KHK: variants seen among roughly 807,000 people sequenced by gnomAD.
KHK encodes the protein fructokinase.
Under a neutral mutation model 36.0 loss-of-function variants are expected in KHK, and 37 were observed. The ratio of observed to expected loss-of-function variants is 1.03; its 90% CI spans 0.79 to 1.35. The LOEUF (loss-of-function observed/expected upper bound fraction) is 1.35. Among genes scored for constraint, KHK ranks in the 40% most tolerant of loss-of-function variants. The probability of loss-of-function intolerance (pLI) is 0.00; values close to 1 mark genes in which losing one functional copy is unlikely to be tolerated. For missense variants in KHK, 395 were observed against 391.9 expected, an observed-to-expected ratio of 1.01 and a Z score of -0.07; for synonymous variants, 161 against 162.8, an observed-to-expected ratio of 0.99 and a Z score of 0.08.
At chr2:27,090,221 T>C (rs1055254877) in intron 1 of KHK, among the ~76,000 whole-genome samples, 10 of 152,238 alleles carry the variant, frequency 6.6e-5, no homozygotes, top group African/African-American at 1.9e-4. Context: ...TAAAATTCTA[T>C]ATCCTTTCTT....
At chr2:27,091,784 A>C (rs1424215564) in intron 1 of KHK, among the ~76,000 whole-genome samples, 1 of 152,208 alleles carries the variant, frequency 6.6e-6, no homozygotes, top group Non-Finnish European at 1.5e-5. Context: ...CCCTGCTGCC[A>C]CTTCTTAAAC....
intron 3 of KHK, among the ~76,000 whole-genome samples, chr2:27,095,628 C>T (rs1442174423): frequency 2.0e-5 from 3 of 152,236 alleles, no homozygotes; most frequent in Admixed American, 2.0e-4. Flanking sequence ...TGCAGACTCC[C>T]TCCTGCAGGA....
At chr2:27,094,778 C>T (rs1033424024) in intron 2 of KHK, 22 bp from the exon 3 acceptor site, 2 of 1,614,022 alleles carry the variant, frequency 1.2e-6, no homozygotes, top group Non-Finnish European at 1.7e-6. Flanking sequence ...TGCCCTTTTC[C>T]TGGCCCGGCC....
intron 4 of KHK, among the ~76,000 whole-genome samples, chr2:27,097,174 A>C (rs1181465273): frequency 6.6e-6 from 1 of 152,206 alleles, no homozygotes; most frequent in African/African-American, 2.4e-5. Context: ...AAATAAAGGG[A>C]ACTAGAGCCT....
At chr2:27,098,350 T>C (rs943316413) in intron 5 of KHK, among the ~76,000 whole-genome samples, 1 of 151,886 alleles carries the variant, frequency 6.6e-6, no homozygotes, top group Non-Finnish European at 1.5e-5. Flanking sequence ...GCAAGACCCC[T>C]GTCTCTATGA....
intron 3 of KHK, among the ~76,000 whole-genome samples, chr2:27,095,754 C>T (rs894582140): frequency 7.9e-5 from 12 of 152,222 alleles, no homozygotes; most frequent in African/African-American, 2.2e-4. Context: ...GCCTGACTGC[C>T]GGACCTGGAG....
In KHK at chr2:27,099,409, C is replaced by A. The variant is rs377473990; in HGVS notation, c.654-11C>A. ...TGGGCTAACACCCAGCTGAGTGGAG[C>A]CGTCTTGCAGGGCTGTGCTTGTCTG... is the stretch of plus-strand genomic sequence containing the variant. On this transcript the variant is annotated splice_polypyrimidine_tract_variant and intron_variant, in intron 6 of 7. Transcript: ENST00000260598. The A allele has an allele frequency of 1.6e-5, 25 of 1,612,744 alleles. No individual in the cohort carries two copies. In the African/African-American group the frequency reaches 2.5e-4, roughly 16 times the overall value.
chr2:27,095,024 C>A, intron 3 of KHK, 90 bp downstream of exon 3: 4 of 1,461,796 alleles, frequency 2.7e-6, no homozygotes, highest in Non-Finnish European at 3.8e-6. Context: ...TCCCAACTGC[C>A]CCCCTCTGTG....
At position 27,099,424 on chromosome 2, in the gene KHK, G is replaced by A; in HGVS notation, c.658G>A (p.Val220Met). The A allele has an allele frequency of 6.2e-7, 1 of 1,613,914 alleles. No individual in the cohort carries two copies. The highest frequency in any genetic ancestry group is 8.5e-7 in the Non-Finnish European group (1 of 1,179,852). Reference sequence around the variant, plus strand: ...CTGAGTGGAGCCGTCTTGCAGGGCTGTGCTTGTCTGTGCCTGGGCTGAGGA... The same window carrying A: ...CTGAGTGGAGCCGTCTTGCAGGGCTATGCTTGTCTGTGCCTGGGCTGAGGA... ...GLYGRVRKGA[V>M]LVCAWAEEGA... Residue 220 changes from valine (V) to methionine (M), a missense_variant, in exon 7 of 8, where the codon GTG (valine) becomes ATG (methionine). By Grantham distance (21) the Val-to-Met change is conservative. Coordinates refer to ENST00000260598, the MANE Select transcript of KHK (RefSeq NM_006488.3).
rs990611110 is a variant in KHK, at chr2:27,100,515, G to A, written c.*765G>A. 7 of 1,290,858 alleles carry A rather than the reference G, an allele frequency of 5.4e-6. No individual in the cohort carries two copies. The highest frequency in any genetic ancestry group is 6.1e-6 in the Non-Finnish European group (6 of 988,818). The allele number at this position is 1,290,858 out of a possible 1,614,324, so 80.0% of individuals were successfully genotyped here. On this transcript the variant is annotated 3_prime_UTR_variant, in exon 8 of 8. Transcript: ENST00000260598. Reference sequence around the variant, plus strand: ...ATCTGGAACACATATTGGAATTGGGGCCAACTCCAATATAGGGTGGGTAAG... The same window carrying A: ...ATCTGGAACACATATTGGAATTGGGACCAACTCCAATATAGGGTGGGTAAG...
At chr2:27,087,721 C>T (rs1669746761) in intron 1 of KHK, among the ~76,000 whole-genome samples, 2 of 152,202 alleles carry the variant, frequency 1.3e-5, no homozygotes, top group South Asian at 2.1e-4. Context: ...TTTTTAAACC[C>T]CAAGCCTATG....
At chr2:27,092,199 T>C in intron 1 of KHK, 133 bp from the exon 2 acceptor site, 1 of 803,668 alleles carries the variant, frequency 1.2e-6, no homozygotes, top group Non-Finnish European at 2.2e-6. Flanking sequence ...CTGCCCCGGG[T>C]ACAAAGTGAG....
At position 27,099,770 on chromosome 2, in the gene KHK, A is replaced by G. The variant is rs1558454126; in HGVS notation, c.*20A>G. 1.9e-6 allele frequency: 3 copies of G among 1,552,262 alleles called. No homozygotes were observed. In the Admixed American group the frequency reaches 5.1e-5, roughly 26 times the overall value. On this transcript the variant is annotated 3_prime_UTR_variant, in exon 8 of 8. Coordinates refer to ENST00000260598, the MANE Select transcript of KHK (RefSeq NM_006488.3). The stretch of plus-strand genomic sequence containing the variant: ...GTGTGAGAGCAGGTGCCGGCTCCTC[A>G]CACACCATGGAGACTACCATTGCGG...
In KHK at chr2:27,099,744, CGT is replaced by C. The variant is rs913167761; in HGVS notation, c.895_896del (p.Ter299ArgfsTer68). On this transcript the variant is annotated frameshift_variant, in exon 8 of 8. Transcript: ENST00000260598. LOFTEE classifies it high-confidence loss of function. ...KCGLQGFDGI[V>X] ...GTGGCCTGCAGGGCTTTGATGGCATCGTGTGAGAGCAGGTGCCGGCTCCTCAC... is the reference window on the plus strand; with the variant it reads ...GTGGCCTGCAGGGCTTTGATGGCATCGTGAGAGCAGGTGCCGGCTCCTCAC... The C allele has an allele frequency of 1.9e-6, 3 of 1,613,886 alleles. No individual in the cohort carries two copies. The African/African-American group carries it at 4.0e-5, about 22-fold the overall frequency.
At chr2:27,093,076 T>C (rs1364431420) in intron 2 of KHK, among the ~76,000 whole-genome samples, 2 of 152,320 alleles carry the variant, frequency 1.3e-5, no homozygotes, top group Admixed American at 1.3e-4. Context: ...CCCCTGGCGC[T>C]GCCGACTCAG....
rs543317237 is a variant in KHK at position 27,099,672 on chromosome 2, C to A, written c.819C>A (p.Ser273Arg). The A allele has an allele frequency of 8.7e-6, 14 of 1,614,100 alleles. No homozygotes were observed. The South Asian group carries it at 1.4e-4, about 16-fold the overall frequency. Residue 273 changes from serine to arginine, a missense_variant, in exon 8 of 8, where the codon AGC (serine) becomes AGA (arginine). Physicochemically the swap from Ser to Arg is moderately radical, Grantham distance 110 (BLOSUM62 -1). Transcript: ENST00000260598. Reference protein sequence around the residue: ...SVIFSLSQGRSVQEALRFGCQ... With the variant: ...SVIFSLSQGRRVQEALRFGCQ... ...TACTTGCCCCTCCTCCAGGGAGGAG[C>A]GTGCAGGAAGCACTGAGATTCGGGT...
intron 2 of KHK, chr2:27,094,377 AC>A: frequency 2.1e-6 from 3 of 1,425,174 alleles, no homozygotes; most frequent in Non-Finnish European, 2.9e-6. Context: ...CTTTGCTTGC[AC>A]CCCTGCCTTT....
At position 27,094,346 on chromosome 2, in the gene KHK, T is replaced by G. The variant is rs561366419; in HGVS notation, c.210-454T>G. ...GCACTGCCTGTGGCAAGACTGTGATTCCCAGTTCTCTCCCAGCCCCCTTTG... is the reference window on the plus strand; with the variant it reads ...GCACTGCCTGTGGCAAGACTGTGATGCCCAGTTCTCTCCCAGCCCCCTTTG... On this transcript the variant is annotated intron_variant, in intron 2 of 7. Transcript: ENST00000260598. The G allele has an allele frequency of 7.0e-5, 74 of 1,058,552 alleles. No homozygotes were observed. In the African/African-American group the frequency reaches 9.5e-4, roughly 14 times the overall value. 65.6% of individuals were successfully genotyped at this position (1,058,552 alleles called of 1,614,324 possible). A position where few individuals can be genotyped will look rare whatever the true frequency, so the allele number is the denominator to read the frequency against.
At position 27,094,782 on chromosome 2, in the gene KHK, C is replaced by T. The variant is rs764522438; in HGVS notation, c.210-18C>T. 1.2e-6 allele frequency: 2 copies of T among 1,613,996 alleles called. No individual in the cohort carries two copies. The highest frequency in any genetic ancestry group is 1.7e-6 in the Non-Finnish European group (2 of 1,180,036). ...CTGTGTCTCCTTGCCCTTTTCCTGG[C>T]CCGGCCTCCACCCTAAGCTTCCTGG... On this transcript the variant is annotated intron_variant, in intron 2 of 7. Coordinates refer to ENST00000260598, the MANE Select transcript of KHK (RefSeq NM_006488.3).
Sources: allele counts gnomAD v4.1 joint callset (sites outside exome capture counted in the v4.1 genomes callset), GRCh38; gene constraint gnomAD v4.1.1; transcripts MANE v1.5; gene names NCBI Gene and HGNC (gene_info 2026-07-23, HGNC 2026-07-21).